The following KDM2B variants were observed in gnomAD, a reference collection of about 807,000 sequenced individuals.
The protein encoded by KDM2B is lysine-specific demethylase 2B.
Under a neutral mutation model 150.0 loss-of-function variants are expected in KDM2B, and 26 were observed. The ratio of observed to expected loss-of-function variants is 0.17; its 90% confidence interval spans 0.13 to 0.24. KDM2B has a LOEUF of 0.24. Ranked by LOEUF, KDM2B falls within the 10% of genes least tolerant of loss-of-function variation. The pLI is 1.00. For missense variants in KDM2B, 1,265 were observed against 1,816.9 expected (o/e 0.70, Z 5.52); for synonymous variants, 734 against 729.5 (o/e 1.01, Z -0.10).
chr12:121,507,962 G>A (rs527988550), intron 11 of KDM2B, among the ~76,000 whole-genome samples: 1 of 152,318 alleles, frequency 6.6e-6, no homozygotes, highest in South Asian at 2.1e-4. Context: ...AGGGAGCCAA[G>A]CTCGCACCAC....
intron 11 of KDM2B, among the ~76,000 whole-genome samples, chr12:121,498,218 TG>T (rs1292801680): frequency 1.3e-5 from 2 of 152,178 alleles, no homozygotes; most frequent in Non-Finnish European, 2.9e-5. Flanking sequence ...CCCCTGCATG[TG>T]GGCCCCAAAT....
intron 22 of KDM2B, among the ~76,000 whole-genome samples, chr12:121,434,396 T>C (rs1374123626): frequency 1.3e-5 from 2 of 149,362 alleles, no homozygotes; most frequent in Non-Finnish European, 3.0e-5. Flanking sequence ...CACAGGAGGC[T>C]GAGGCAGGAG....
intron 21 of KDM2B, 27 bp from the exon 22 acceptor site, chr12:121,440,102 C>T (rs1555287841): frequency 1.3e-6 from 2 of 1,554,728 alleles, no homozygotes; most frequent in South Asian, 2.3e-5. Context: ...GAGGGGGCAA[C>T]CCGTCAATCT....
intron 12 of KDM2B, among the ~76,000 whole-genome samples, chr12:121,485,510 C>T (rs1044370251): frequency 3.9e-5 from 6 of 152,070 alleles, no homozygotes; most frequent in African/African-American, 1.4e-4. Flanking sequence ...CTAAACTGAT[C>T]CACTGTTATG....
At chr12:121,448,227 G>T (rs782626554) in intron 13 of KDM2B, among the ~76,000 whole-genome samples, 1 of 150,262 alleles carries the variant, frequency 6.7e-6, no homozygotes, top group Non-Finnish European at 1.5e-5. Context: ...GACTGAGGTG[G>T]GAGGACTGCT....
intron 12 of KDM2B, among the ~76,000 whole-genome samples, chr12:121,488,262 C>T (rs782382086): frequency 3.3e-5 from 5 of 152,142 alleles, no homozygotes; most frequent in African/African-American, 7.2e-5. Flanking sequence ...CAGCCCCTTC[C>T]GCTGCTCCCT....
rs1275968576 is a variant in KDM2B, at chr12:121,452,093, G to C, written c.1959+1027C>G. On this transcript the variant is annotated intron_variant, in intron 13 of 22. Transcript: ENST00000377071. This position sits in a 1 kb window ranked among gnomAD's most constrained non-coding sequence, Gnocchi z 4.4. ...CATAATTCCACTTCTATGAGGTCCC[G>C]AGAGGAGTCAAGCTCTTAGAAACTG... Among the ~76,000 whole-genome samples the C allele has an allele frequency of 1.3e-5, 2 of 152,034 alleles. No homozygotes were observed. The highest frequency in any genetic ancestry group is 2.4e-5 in the African/African-American group (1 of 41,372).
At chr12:121,539,823 T>G (rs1039855986) in intron 6 of KDM2B, among the ~76,000 whole-genome samples, 2 of 152,104 alleles carry the variant, frequency 1.3e-5, no homozygotes, top group East Asian at 3.9e-4. Context: ...CACTGCAACC[T>G]CCAACTCCCG....
intron 4 of KDM2B, among the ~76,000 whole-genome samples, chr12:121,550,366 A>C (rs1165119321): frequency 6.6e-6 from 1 of 152,076 alleles, no homozygotes; most frequent in Admixed American, 6.6e-5. Context: ...AGAAAATCCC[A>C]AGAAGCCAGT....
At position 121,574,533 on chromosome 12, in the gene KDM2B, G is replaced by A. The variant is rs140972602; in HGVS notation, c.397+14C>T. The A allele has an allele frequency of 2.1e-5, 34 of 1,613,242 alleles. 1 individual carries two copies. The highest frequency in any genetic ancestry group is 1.2e-4 in the South Asian group (11 of 91,026). Reference sequence around the variant, plus strand: ...TTCAGCATGTCTGAGCCACACACACGGCAAGCGACTTACCCACTAGGAGTT... The same window carrying A: ...TTCAGCATGTCTGAGCCACACACACAGCAAGCGACTTACCCACTAGGAGTT... On this transcript the variant is annotated intron_variant, in intron 4 of 22. Coordinates refer to ENST00000377071, the MANE Select transcript of KDM2B (RefSeq NM_032590.5).
intron 12 of KDM2B, among the ~76,000 whole-genome samples, chr12:121,477,443 G>C (rs1221806583): frequency 6.6e-6 from 1 of 152,018 alleles, no homozygotes; most frequent in East Asian, 1.9e-4. Context: ...GAGTGCAGTG[G>C]CACAATCACA....
intron 4 of KDM2B, among the ~76,000 whole-genome samples, chr12:121,563,354 C>T (rs140559677): frequency 0.021 from 3,169 of 152,152 alleles, 118 homozygotes; most frequent in African/African-American, 0.072. Flanking sequence ...CGCCTGTAAT[C>T]CCAGCACTTT....
intron 6 of KDM2B, among the ~76,000 whole-genome samples, chr12:121,542,410 G>A (rs376196433): frequency 6.6e-6 from 1 of 152,212 alleles, no homozygotes; most frequent in African/African-American, 2.4e-5. Context: ...CTCCCAAAGT[G>A]CTGTGATTAC....
chr12:121,442,816 G>A lies in KDM2B; in HGVS notation c.2625C>T (p.Ala875=), dbSNP rs1446916969. The part of the protein sequence containing the change: ...FRKKRRSWKN[A]EDRMALANKP... ...TGTTGGCCAGCGCCATGCGGTCCTC[G>A]GCGTTCTTCCAGGACCGCCGCTGAG... is the stretch of plus-strand genomic sequence containing the variant. Residue 875 remains alanine, a synonymous_variant, in exon 19 of 23, where the codon GCC becomes GCT. Coordinates refer to ENST00000377071, the MANE Select transcript of KDM2B (RefSeq NM_032590.5). The surrounding 1 kb of genome is among the most constrained non-coding windows in gnomAD (Gnocchi z 7.7). The A allele has an allele frequency of 3.3e-6, 5 of 1,524,324 alleles. No individual in the cohort carries two copies. The highest frequency in any genetic ancestry group is 1.4e-5 in the African/African-American group (1 of 71,680). The allele number at this position is 1,524,324 out of a possible 1,614,324, so 94.4% of individuals were successfully genotyped here. A position where few individuals can be genotyped will look rare whatever the true frequency, so the allele number is the denominator to read the frequency against.
At chr12:121,462,790 C>G (rs1879286442) in intron 12 of KDM2B, among the ~76,000 whole-genome samples, 1 of 152,202 alleles carries the variant, frequency 6.6e-6, no homozygotes, top group African/African-American at 2.4e-5. Flanking sequence ...CCGCGCCCGG[C>G]TGGCAAAATT....
intron 4 of KDM2B, among the ~76,000 whole-genome samples, chr12:121,561,373 T>C (rs540480139): frequency 6.6e-6 from 1 of 152,164 alleles, no homozygotes. Flanking sequence ...TCCTCATCCG[T>C]GTCACACAGG....
chr12:121,543,574 C>G (rs1244366721), intron 6 of KDM2B, among the ~76,000 whole-genome samples: 1 of 152,008 alleles, frequency 6.6e-6, no homozygotes, highest in Non-Finnish European at 1.5e-5. Context: ...GCCTGTAATC[C>G]CAGCACTTTG....
intron 22 of KDM2B, among the ~76,000 whole-genome samples, chr12:121,435,936 A>G (rs978044030): frequency 6.6e-6 from 1 of 152,222 alleles, no homozygotes. Flanking sequence ...GGGACAAGCA[A>G]GCATCAGCAT....
Position 121,513,107 on chromosome 12 carries a change from G to C in KDM2B, c.1174+169C>G, listed in dbSNP as rs782008949. On this transcript the variant is annotated intron_variant, in intron 10 of 22. Transcript: ENST00000377071. This position sits in a 1 kb window ranked among gnomAD's most constrained non-coding sequence, Gnocchi z 5.0. ...TCATTTTCTTGGACTCTGTATTCCA[G>C]GTGGGAAACTGGCAAGAATGGCTTC... Among the ~76,000 whole-genome samples the C allele has an allele frequency of 5.9e-5, 9 of 152,274 alleles. No homozygotes were observed. Among genetic ancestry groups the C allele is most frequent in the Non-Finnish European group, 8.8e-5 (6 of 68,048 alleles).
Sources: allele counts gnomAD v4.1 joint callset (sites outside exome capture counted in the v4.1 genomes callset), GRCh38; gene constraint gnomAD v4.1.1; non-coding constraint Gnocchi (gnomAD v3.1); transcripts MANE v1.5; gene names NCBI Gene and HGNC (gene_info 2026-07-23, HGNC 2026-07-21).